Variants in TEKT4 observed in about 807,000 individuals in gnomAD.
TEKT4 encodes the protein tektin 4, also known as tektin-4.
In TEKT4, 46 loss-of-function variants were observed where a neutral mutation model predicts 46.0. That is an observed-to-expected ratio of 1.00 (90% CI 0.79 to 1.28). The LOEUF (loss-of-function observed/expected upper bound fraction) is 1.28, where lower values mean the gene tolerates loss of function less well. TEKT4 is among the 50% of genes most tolerant of loss of function. The probability of loss-of-function intolerance (pLI) is 0.00; values close to 1 mark genes in which losing one functional copy is unlikely to be tolerated. For missense variants in TEKT4, 790 were observed against 622.9 expected (o/e 1.27, Z -2.85); for synonymous variants, 325 against 265.8 (o/e 1.22, Z -2.17).
In TEKT4 at chr2:94,874,865, T is replaced by G. The variant is rs781793643; in HGVS notation, c.803T>G (p.Val268Gly). The stretch of plus-strand genomic sequence containing the variant: ...CGCCTGGCCTCGGCCAACCTGCGGG[T>G]GCTGGTGGACTGCATCCTTCGCGAC... ...RERLASANLR[V>G]LVDCILRDTS... The change falls in exon 4 of 6, where the codon GTG becomes GGG. Residue 268 changes from valine to glycine, a missense_variant. Transcript: ENST00000295201. 1.2e-6 allele frequency: 2 copies of G among 1,608,956 alleles called. No homozygotes were observed. Among genetic ancestry groups the G allele is most frequent in the East Asian group, 2.2e-5 (1 of 44,694 alleles).
In TEKT4 at chr2:94,874,207, G is replaced by A. The variant is rs1271294647; in HGVS notation, c.713+99G>A. 43 of 1,396,678 alleles carry A rather than the reference G, an allele frequency of 3.1e-5. No homozygotes were observed. The East Asian group carries it at 8.3e-4, about 27-fold the overall frequency. The allele number at this position is 1,396,678 out of a possible 1,614,324, so 86.5% of individuals were successfully genotyped here. A position where few individuals can be genotyped will look rare whatever the true frequency, so the allele number is the denominator to read the frequency against. The stretch of plus-strand genomic sequence containing the variant: ...GCTGCTTTCACCAGCCTGGCCCGGA[G>A]GCCCTCGCCCCCGAGGGCACTTGGG... On this transcript the variant is annotated intron_variant, in intron 3 of 5. Coordinates refer to ENST00000295201, the MANE Select transcript of TEKT4 (RefSeq NM_144705.4).
chr2:94,871,442 G>C lies in TEKT4; in HGVS notation c.-138G>C. ...ACAGGAAGCTCTTGGTTTACACAGT[G>C]TCACCCAAGCGACTGGGAGCCGCGT... On this transcript the variant is annotated 5_prime_UTR_variant, in exon 1 of 6. Coordinates refer to ENST00000295201, the MANE Select transcript of TEKT4 (RefSeq NM_144705.4). 1 of 1,118,282 alleles carries C rather than the reference G, an allele frequency of 8.9e-7. No homozygotes were observed. Among genetic ancestry groups the C allele is most frequent in the Non-Finnish European group, 1.2e-6 (1 of 810,500 alleles). The allele number at this position is 1,118,282 out of a possible 1,614,324, so 69.3% of individuals were successfully genotyped here.
At position 94,873,832 on chromosome 2, in the gene TEKT4, C is replaced by T. The variant is rs181118979; in HGVS notation, c.570-133C>T. 805 of 1,337,980 alleles carry T rather than the reference C, an allele frequency of 6.0e-4. 3 individuals are homozygous for T. The highest frequency in any genetic ancestry group is 5.3e-4 in the East Asian group (21 of 39,720). 82.9% of individuals were successfully genotyped at this position (1,337,980 alleles called of 1,614,324 possible). On this transcript the variant is annotated intron_variant, in intron 2 of 5. Coordinates refer to ENST00000295201, the MANE Select transcript of TEKT4 (RefSeq NM_144705.4). ...CGCAGCTCCTGGTCACTGCTGAGCA[C>T]GAGGGCTGCCCGGGACAGGCCCACC...
At chr2:94,873,160 C>G in intron 1 of TEKT4, 1 of 1,234,432 alleles carries the variant, frequency 8.1e-7, no homozygotes, top group Non-Finnish European at 1.0e-6. Flanking sequence ...ATCTGGGCCC[C>G]CAGAGTTTGG....
rs1408991223 is a variant in TEKT4, at chr2:94,872,020, TGAGCGCCGC to T, written c.446_454del (p.Arg149_Glu151del). The T allele has an allele frequency of 1.4e-5, 22 of 1,576,396 alleles. No individual in the cohort carries two copies. Among genetic ancestry groups the T allele is most frequent in the Non-Finnish European group, 1.7e-5 (20 of 1,162,090 alleles). On this transcript the variant is annotated inframe_deletion, in exon 1 of 6. Transcript: ENST00000295201. ...TCACCACTGACAACCTGCAGTGCCG[TGAGCGCCGC>T]GAGCACCCCAACCTCGTGCGCGACC... is the stretch of plus-strand genomic sequence containing the variant.
chr2:94,874,258 A>G, intron 3 of TEKT4, 150 bp downstream of exon 3: 1 of 817,296 alleles, frequency 1.2e-6, no homozygotes, highest in South Asian at 1.8e-5. Flanking sequence ...GGCATGAGCA[A>G]GCGACCAAGA....
intron 5 of TEKT4, 136 bp from the exon 6 acceptor site, chr2:94,876,417 C>T: frequency 1.4e-6 from 1 of 708,974 alleles, no homozygotes; most frequent in Non-Finnish European, 2.3e-6. Context: ...GAGCTGCTTT[C>T]CTGATGGGGT....
At position 94,871,578 on chromosome 2, in the gene TEKT4, C is replaced by G; in HGVS notation, c.-2C>G. ...CCCTGGCCCTGGTGGGCGGCAGGCA[C>G]CATGGCGCAGACAGTGCCGCCCTGC... On this transcript the variant is annotated 5_prime_UTR_variant, in exon 1 of 6. Coordinates refer to ENST00000295201, the MANE Select transcript of TEKT4 (RefSeq NM_144705.4). 6.3e-7 allele frequency: 1 copy of G among 1,597,764 alleles called. No individual in the cohort carries two copies. The highest frequency in any genetic ancestry group is 1.3e-5 in the African/African-American group (1 of 74,826).
At chr2:94,875,111 T>A in intron 4 of TEKT4, 113 bp downstream of exon 4, 1 of 1,161,350 alleles carries the variant, frequency 8.6e-7, no homozygotes, top group Non-Finnish European at 1.2e-6. Flanking sequence ...AAGTGTCTCC[T>A]CTCCGTAAAC....
At chr2:94,874,682 G>C (rs1323505494) in intron 3 of TEKT4, 94 bp from the exon 4 acceptor site, 4 of 1,159,882 alleles carry the variant, frequency 3.4e-6, no homozygotes, top group African/African-American at 1.5e-5. Flanking sequence ...TCCTCCAGGA[G>C]CATGGGGCGC....
chr2:94,872,488 T>A (rs1265101680), intron 1 of TEKT4: 40 of 328,228 alleles, frequency 1.2e-4, no homozygotes, highest in Non-Finnish European at 1.2e-4. Context: ...CCATTCATCC[T>A]ATACAGAGCC....
chr2:94,873,696 G>T, intron 2 of TEKT4, 106 bp downstream of exon 2: 1 of 1,478,716 alleles, frequency 6.8e-7, no homozygotes, highest in Non-Finnish European at 9.2e-7. Flanking sequence ...AGCAGGGGCT[G>T]CCCCAGGTCA....
chr2:94,875,804 C>A (rs1680823009), intron 5 of TEKT4, 62 bp downstream of exon 5: 1 of 1,535,998 alleles, frequency 6.5e-7, no homozygotes, highest in Non-Finnish European at 8.9e-7. Flanking sequence ...CTGTGACTCT[C>A]TCCAATAAAC....
At position 94,876,761 on chromosome 2, in the gene TEKT4, T is replaced by C; in HGVS notation, c.1300T>C (p.Tyr434His). 2 of 1,606,492 alleles carry C rather than the reference T, an allele frequency of 1.2e-6. No individual in the cohort carries two copies. The highest frequency in any genetic ancestry group is 1.7e-6 in the Non-Finnish European group (2 of 1,179,856). Residue 434 changes from tyrosine to histidine, a missense_variant, in exon 6 of 6, where the codon TAC becomes CAC. Physicochemically the swap from Tyr to His is moderately conservative, Grantham distance 83 (BLOSUM62 2). Coordinates refer to ENST00000295201, the MANE Select transcript of TEKT4 (RefSeq NM_144705.4). ...CCCCACCATCCTGCAGCTGGCTGGC[T>C]ACCAGTGAGCAGCGGCACGGTGCTT... The part of the protein sequence containing the change: ...RYPTILQLAG[Y>H]Q
chr2:94,872,205 C>T lies in TEKT4; in HGVS notation c.498+128C>T, dbSNP rs1387496481. Reference sequence around the variant, plus strand: ...GGAGCCCAGCCCTCTGCACGTGAGACCCCTGAGTCCCGAAATCTGGCCCCT... The same window carrying T: ...GGAGCCCAGCCCTCTGCACGTGAGATCCCTGAGTCCCGAAATCTGGCCCCT... On this transcript the variant is annotated intron_variant, in intron 1 of 5. Coordinates refer to ENST00000295201, the MANE Select transcript of TEKT4 (RefSeq NM_144705.4). 1.3e-5 allele frequency: 16 copies of T among 1,250,078 alleles called. No individual in the cohort carries two copies. In the South Asian group the frequency reaches 2.2e-4, roughly 17 times the overall value. 77.4% of individuals were successfully genotyped at this position (1,250,078 alleles called of 1,614,324 possible). A position where few individuals can be genotyped will look rare whatever the true frequency, so the allele number is the denominator to read the frequency against.
At chr2:94,873,652 G>C in intron 2 of TEKT4, 62 bp downstream of exon 2, 2 of 1,597,984 alleles carry the variant, frequency 1.3e-6, no homozygotes, top group Middle Eastern at 1.7e-4. Flanking sequence ...CCTGGGGCAA[G>C]GCATTGAACG....
rs1680699205 is a variant in TEKT4, at chr2:94,873,945, C to T, written c.570-20C>T. 5.6e-6 allele frequency: 9 copies of T among 1,613,424 alleles called. No individual in the cohort carries two copies. The highest frequency in any genetic ancestry group is 4.5e-5 in the East Asian group (2 of 44,858). ...GCCCTCCCTGGGCACACATCAAGGC[C>T]CTGCCCCACCCCGCCCCAGACTGAA... On this transcript the variant is annotated intron_variant, in intron 2 of 5. Transcript: ENST00000295201.
In TEKT4 at chr2:94,873,068, A is replaced by C. The variant is rs1680651216; in HGVS notation, c.499-452A>C. The C allele has an allele frequency of 2.4e-6, 3 of 1,273,100 alleles. No individual in the cohort carries two copies. The South Asian group carries it at 3.8e-5, about 16-fold the overall frequency. 78.9% of individuals were successfully genotyped at this position (1,273,100 alleles called of 1,614,324 possible). On this transcript the variant is annotated intron_variant, in intron 1 of 5. Transcript: ENST00000295201. ...AAATTAAACTGGCCAGGCAATAAGA[A>C]GAAACACAGGGTCCTTCTCCTGTTC... is the stretch of plus-strand genomic sequence containing the variant.
At chr2:94,872,632 C>A (rs1360720747) in intron 1 of TEKT4, 2 of 370,302 alleles carry the variant, frequency 5.4e-6, no homozygotes, top group Middle Eastern at 7.4e-4. Context: ...GATGCTGGCT[C>A]TGGAGAATTC....
Sources: gnomAD v4.1 joint callset for allele counts on GRCh38, gnomAD v4.1.1 for gene constraint, MANE v1.5 for transcripts, NCBI Gene and HGNC (gene_info 2026-07-23, HGNC 2026-07-21) for gene names.